Variants in PPM1F observed in about 807,000 individuals in gnomAD.
The protein encoded by PPM1F is protein phosphatase, Mg2+/Mn2+ dependent 1F, also known as protein phosphatase 1F.
A neutral mutation model predicts 35.5 loss-of-function variants in PPM1F; 17 were observed. The observed-to-expected ratio is 0.48, with a 90% CI of 0.33 to 0.72. The LOEUF (loss-of-function observed/expected upper bound fraction) is 0.72, where lower values mean the gene tolerates loss of function less well. PPM1F is among the 30% of genes least tolerant of loss of function. PPM1F has a pLI of 0.02. For synonymous variants in PPM1F, 241 were observed against 255.5 expected (o/e 0.94, Z 0.54); for missense variants, 521 against 613.0 (o/e 0.85, Z 1.59).
At chr22:21,940,449 G>A (rs1254023315) in intron 2 of PPM1F, 1 of 152,028 alleles carries the variant, frequency 6.6e-6, no homozygotes, top group East Asian at 1.9e-4. Flanking sequence ...CTCCAGCCTA[G>A]GCGACAGAGC....
intron 3 of PPM1F, chr22:21,936,239 T>G (rs565863819): frequency 1.1e-4 from 17 of 151,072 alleles, no homozygotes; most frequent in African/African-American, 3.9e-4. Flanking sequence ...GTCATGATAC[T>G]AAGTGAAAAA....
rs1366898039 is a variant in PPM1F at position 21,919,926 on chromosome 22, CCCCGT to C, written c.*3161_*3165del. Reference sequence around the variant, plus strand: ...CCCCATACTGGCCCTGCCGTCTGCACCCCGTCCCTTTCCCCACTAAACACACCCAT... The same window carrying C: ...CCCCATACTGGCCCTGCCGTCTGCACCCCTTTCCCCACTAAACACACCCAT... On this transcript the variant is annotated 3_prime_UTR_variant, in exon 8 of 8. Coordinates refer to ENST00000263212, the MANE Select transcript of PPM1F (RefSeq NM_014634.4). The C allele has an allele frequency of 6.6e-6, 1 of 152,336 alleles. No homozygotes were observed. The highest frequency in any genetic ancestry group is 1.5e-5 in the Non-Finnish European group (1 of 68,122). The allele number at this position is 152,336 out of a possible 1,614,324, so 9.4% of individuals were successfully genotyped here. A position where few individuals can be genotyped will look rare whatever the true frequency, so the allele number is the denominator to read the frequency against.
rs2070620043 is a variant in PPM1F at position 21,933,560 on chromosome 22, T to C, written c.578A>G (p.Tyr193Cys). 1 of 1,612,474 alleles carries C rather than the reference T, an allele frequency of 6.2e-7. No individual in the cohort carries two copies. Among genetic ancestry groups the C allele is most frequent in the Non-Finnish European group, 8.5e-7 (1 of 1,179,028 alleles). The part of the protein sequence containing the change: ...FGLSDPVNRA[Y>C]FAVFDGHGGV... ...TCCGTGACCATCAAACACAGCAAAGTAGGCGCGGTTCACAGGGTCCTGGTG... is the reference window on the plus strand; with the variant it reads ...TCCGTGACCATCAAACACAGCAAAGCAGGCGCGGTTCACAGGGTCCTGGTG... Residue 193 changes from tyrosine (Y) to cysteine (C), a missense_variant, in exon 5 of 8, where the codon TAC becomes TGC. Transcript: ENST00000263212.
chr22:21,941,418 G>A (rs948192071), intron 2 of PPM1F: 1 of 152,438 alleles, frequency 6.6e-6, no homozygotes, highest in African/African-American at 2.4e-5. Flanking sequence ...CAGTGTTGAA[G>A]TTTCTATTCT....
rs188950155 is a variant in PPM1F at position 21,950,456 on chromosome 22, G to A, written c.-61+2336C>T. The A allele has an allele frequency of 1.3e-3, 193 of 150,890 alleles. 1 individual carries two copies. The highest frequency in any genetic ancestry group is 4.3e-3 in the African/African-American group (176 of 41,002). 9.3% of individuals were successfully genotyped at this position (150,890 alleles called of 1,614,324 possible). On this transcript the variant is annotated intron_variant, in intron 1 of 7. Transcript: ENST00000263212. The stretch of plus-strand genomic sequence containing the variant: ...ATTAGTTTTGACTCCTAAGCTTAAC[G>A]AATGCAGGGTTTAACAACTGCAGTT...
Position 21,923,184 on chromosome 22 carries a change from G to A in PPM1F, c.1273C>T (p.Gln425Ter). Residue 425 changes from glutamine to a stop codon, truncating the protein, a stop_gained, in exon 8 of 8, where the codon CAG becomes TAG. Transcript: ENST00000263212. LOFTEE classifies it low-confidence loss of function (END_TRUNC). ...TCTGCCTGGGGGTCCCCTTCTCCCT[G>A]GTTCCCGCCCTCCAGCAGCTCTTGG... Reference protein sequence around the residue: ...DPQELLEGGNQGEGDPQAEGR... With the variant: ...DPQELLEGGN The A allele has an allele frequency of 6.2e-7, 1 of 1,613,706 alleles. No individual in the cohort carries two copies. Among genetic ancestry groups the A allele is most frequent in the African/African-American group, 1.3e-5 (1 of 75,040 alleles).
At chr22:21,925,912 G>T in intron 6 of PPM1F, 1 of 423,070 alleles carries the variant, frequency 2.4e-6, no homozygotes, top group South Asian at 6.7e-5. Context: ...AGGCCGCCTA[G>T]CGGTGCCTGC....
intron 4 of PPM1F, 100 bp downstream of exon 4, chr22:21,933,924 G>T (rs1335845910): frequency 2.5e-6 from 3 of 1,180,500 alleles, no homozygotes; most frequent in Non-Finnish European, 3.5e-6. Context: ...TGTCTCTCCT[G>T]TCTCAGCCTT....
At chr22:21,929,299 C>T (rs534124053) in intron 6 of PPM1F, among the ~76,000 whole-genome samples, 4 of 152,110 alleles carry the variant, frequency 2.6e-5, no homozygotes, top group Non-Finnish European at 5.9e-5. Context: ...TTGGCCCATG[C>T]GGGCTGCAGC....
chr22:21,926,227 G>A (rs1475687411), intron 6 of PPM1F, among the ~76,000 whole-genome samples: 1 of 151,744 alleles, frequency 6.6e-6, no homozygotes, highest in Non-Finnish European at 1.5e-5. Context: ...TGCCTCCTGG[G>A]TTCAAGTGAT....
chr22:21,944,830 A>T (rs1422472652), intron 2 of PPM1F: 4 of 152,260 alleles, frequency 2.6e-5, no homozygotes, highest in Non-Finnish European at 5.9e-5. Context: ...CCTAGGCGAC[A>T]GCTACACACT....
intron 6 of PPM1F, among the ~76,000 whole-genome samples, chr22:21,930,257 C>A (rs1569127369): frequency 6.6e-6 from 1 of 152,214 alleles, no homozygotes; most frequent in African/African-American, 2.4e-5. Context: ...GTAGTGCCAG[C>A]CCAGGCTGGC....
At chr22:21,946,148 T>C (rs2070775414) in intron 1 of PPM1F, 40 bp from the exon 2 acceptor site, 8 of 1,031,584 alleles carry the variant, frequency 7.8e-6, no homozygotes, top group South Asian at 5.5e-5. Flanking sequence ...CAGGGGGCCA[T>C]GGCACCAGCA....
In PPM1F at chr22:21,923,304, T is replaced by C. The variant is rs1214110514; in HGVS notation, c.1153A>G (p.Ser385Gly). 1 of 1,613,456 alleles carries C rather than the reference T, an allele frequency of 6.2e-7. No homozygotes were observed. Among genetic ancestry groups the C allele is most frequent in the Admixed American group, 1.7e-5 (1 of 60,010 alleles). The change falls in exon 8 of 8, where the codon AGC (serine) becomes GGC (glycine). Residue 385 changes from serine (S) to glycine (G), a missense_variant. Around this residue, in one of 3 missense-constraint regions of PPM1F, gnomAD observed 163 missense variants for 169.6 expected, o/e 0.96. Coordinates refer to ENST00000263212, the MANE Select transcript of PPM1F (RefSeq NM_014634.4). ...VQSHLTRQQG[S>G]GLRVAEELVA... Reference sequence around the variant, plus strand: ...AGCTCCTCGGCGACACGGAGCCCGCTGCCCTGCTGCCTGGTCAGGTGGCTC... The same window carrying C: ...AGCTCCTCGGCGACACGGAGCCCGCCGCCCTGCTGCCTGGTCAGGTGGCTC...
At chr22:21,925,326 T>G (rs1601777232) in intron 7 of PPM1F, 2 of 438,048 alleles carry the variant, frequency 4.6e-6, no homozygotes, top group East Asian at 6.8e-5. Context: ...TTCTATGAGA[T>G]TTGTAGGAGC....
In PPM1F at chr22:21,945,900, C is replaced by A. The variant is rs1462916965; in HGVS notation, c.149G>T (p.Ser50Ile). Residue 50 changes from serine to isoleucine, a missense_variant, in exon 2 of 8, where the codon AGC (serine) becomes ATC (isoleucine). By Grantham distance (142) the Ser-to-Ile change is moderately radical. Coordinates refer to ENST00000263212, the MANE Select transcript of PPM1F (RefSeq NM_014634.4). ...LPWKAPGTVL[S>I]QEEVEGELAE... The stretch of plus-strand genomic sequence containing the variant: ...CAGCTCGCCCTCCACCTCCTCCTGG[C>A]TGAGCACCGTCCCTGGGGCCTTCCA... The A allele has an allele frequency of 6.2e-7, 1 of 1,612,944 alleles. No individual in the cohort carries two copies. The highest frequency in any genetic ancestry group is 1.7e-5 in the Admixed American group (1 of 59,946).
chr22:21,923,248 G>T lies in PPM1F; in HGVS notation c.1209C>A (p.His403Gln). The change falls in exon 8 of 8, where the codon CAC becomes CAA. Residue 403 changes from histidine (H) to glutamine (Q), a missense_variant. Physicochemically the swap from His to Gln is conservative, Grantham distance 24 (BLOSUM62 0). Coordinates refer to ENST00000263212, the MANE Select transcript of PPM1F (RefSeq NM_014634.4). ...LVAAARERGS[H>Q]DNITVMVVFL... ...AGACCACCATGACCGTGATGTTGTC[G>T]TGGGAGCCCCGCTCCCGGGCCGCAG... The T allele has an allele frequency of 6.2e-7, 1 of 1,613,424 alleles. No homozygotes were observed. Among genetic ancestry groups the T allele is most frequent in the Non-Finnish European group, 8.5e-7 (1 of 1,179,958 alleles).
In PPM1F at chr22:21,919,660, A is replaced by G. The variant is rs1325376528; in HGVS notation, c.*3432T>C. 1 of 152,214 alleles carries G rather than the reference A, an allele frequency of 6.6e-6. No homozygotes were observed. The highest frequency in any genetic ancestry group is 2.4e-5 in the African/African-American group (1 of 41,436). 9.4% of individuals were successfully genotyped at this position (152,214 alleles called of 1,614,324 possible). On this transcript the variant is annotated 3_prime_UTR_variant, in exon 8 of 8. Coordinates refer to ENST00000263212, the MANE Select transcript of PPM1F (RefSeq NM_014634.4). ...AATGGCAGAGCTCCGTGCATTTGGCAAAGCTATGGAGCCTTGGCAGAATGC... is the reference window on the plus strand; with the variant it reads ...AATGGCAGAGCTCCGTGCATTTGGCGAAGCTATGGAGCCTTGGCAGAATGC...
chr22:21,945,902 G>C lies in PPM1F; in HGVS notation c.147C>G (p.Leu49=). ...GCTCGCCCTCCACCTCCTCCTGGCT[G>C]AGCACCGTCCCTGGGGCCTTCCATG... ...PLPWKAPGTV[L]SQEEVEGELA... The change falls in exon 2 of 8, where the codon CTC becomes CTG. Residue 49 remains leucine, a synonymous_variant. Transcript: ENST00000263212. 1 of 1,612,948 alleles carries C rather than the reference G, an allele frequency of 6.2e-7. No individual in the cohort carries two copies. The highest frequency in any genetic ancestry group is 8.5e-7 in the Non-Finnish European group (1 of 1,179,780).
Sources: gnomAD v4.1 joint callset for allele counts (sites outside exome capture counted in the v4.1 genomes callset) on GRCh38, gnomAD v4.1.1 for gene constraint, gnomAD v4.1.1 regional missense constraint, MANE v1.5 for transcripts, NCBI Gene and HGNC (gene_info 2026-07-23, HGNC 2026-07-21) for gene names.